The following DLG1 variants were observed in gnomAD, a reference collection of about 807,000 sequenced individuals.
DLG1 encodes the protein disks large homolog 1.
Under a neutral mutation model 123.4 loss-of-function variants are expected in DLG1, and 42 were observed. The ratio of observed to expected loss-of-function variants is 0.34; its 90% CI spans 0.27 to 0.44. The LOEUF is 0.44. DLG1 is among the 20% of genes least tolerant of loss of function. The pLI, the probability that DLG1 is intolerant of heterozygous loss-of-function variation, is 1.00. For missense variants in DLG1, 942 were observed against 1,082.6 expected, an observed-to-expected ratio of 0.87 and a Z score of 1.82; for synonymous variants, 317 against 356.2, an observed-to-expected ratio of 0.89 and a Z score of 1.24.
chr3:197,224,024 A>G (rs116389115), intron 4 of DLG1, among the ~76,000 whole-genome samples: 2,604 of 152,320 alleles, frequency 0.017, 86 homozygotes, highest in African/African-American at 0.059. Flanking sequence ...AAGCCCCAAA[A>G]TAACCCACTT....
In DLG1 at chr3:197,065,313, C is replaced by T. The variant is rs371009210; in HGVS notation, c.2336G>A (p.Gly779Glu). 2 of 1,610,776 alleles carry T rather than the reference C, an allele frequency of 1.2e-6. No homozygotes were observed. The highest frequency in any genetic ancestry group is 1.7e-6 in the Non-Finnish European group (2 of 1,179,122). The change falls in exon 22 of 25, where the codon GGA becomes GAA. Residue 779 changes from glycine to glutamate, a missense_variant. Transcript: ENST00000667157. ...EAGQYNNHLY[G>E]TSVQSVREVA... ...TTCTCGTACAGACTGAACACTTGTTCCATATAGATGATTGTTATACTGGCC... is the reference window on the plus strand; with the variant it reads ...TTCTCGTACAGACTGAACACTTGTTTCATATAGATGATTGTTATACTGGCC...
chr3:197,158,784 C>T (rs556389744), intron 5 of DLG1, among the ~76,000 whole-genome samples: 2 of 152,148 alleles, frequency 1.3e-5, no homozygotes, highest in African/African-American at 4.8e-5. Flanking sequence ...AGGACAGAGA[C>T]GATGTTCTAT....
At chr3:197,288,863 T>C (rs1241833014) in intron 3 of DLG1, among the ~76,000 whole-genome samples, 1 of 151,952 alleles carries the variant, frequency 6.6e-6, no homozygotes, top group Non-Finnish European at 1.5e-5. Flanking sequence ...GAAATCATAC[T>C]ATTCACACTT....
At chr3:197,137,540 T>A (rs899459065) in intron 9 of DLG1, among the ~76,000 whole-genome samples, 1 of 152,124 alleles carries the variant, frequency 6.6e-6, no homozygotes, top group Non-Finnish European at 1.5e-5. Flanking sequence ...ATAAAACAAA[T>A]AGATATTTTG....
At position 197,197,000 on chromosome 3, in the gene DLG1, A is replaced by G. The variant is rs78541510; in HGVS notation, c.319-2411T>C. ...GGAAGTGAAAGGAATTAAAATTTAA[A>G]AAAGCCTCATTCTTGAAAGAAATAA... On this transcript the variant is annotated intron_variant, in intron 4 of 24. Transcript: ENST00000667157. 2.0e-5 allele frequency among the ~76,000 whole-genome samples: 3 copies of G among 152,330 alleles called. No homozygotes were observed. In the East Asian group the frequency reaches 5.8e-4, roughly 29 times the overall value.
intron 3 of DLG1, among the ~76,000 whole-genome samples, chr3:197,285,688 C>T (rs536864679): frequency 1.3e-5 from 2 of 152,232 alleles, no homozygotes; most frequent in Admixed American, 6.5e-5. Flanking sequence ...AAACAAGATA[C>T]TACTACACAC....
chr3:197,243,755 C>A lies in DLG1; in HGVS notation c.318+38924G>T, dbSNP rs189161038. Among the ~76,000 whole-genome samples the A allele has an allele frequency of 2.0e-3, 297 of 152,276 alleles. 3 individuals carry two copies. Among genetic ancestry groups the A allele is most frequent in the African/African-American group, 6.6e-3 (276 of 41,538 alleles). On this transcript the variant is annotated intron_variant, in intron 4 of 24. Transcript: ENST00000667157. ...TTATAGTAGATATAATTTATCCAAT[C>A]TACATTTTTATTAATTGTTGACCAC... is the stretch of plus-strand genomic sequence containing the variant.
chr3:197,177,947 T>G (rs1014058070), intron 5 of DLG1, among the ~76,000 whole-genome samples: 1 of 152,098 alleles, frequency 6.6e-6, no homozygotes, highest in African/African-American at 2.4e-5. Flanking sequence ...GGGCCCTCCT[T>G]AGCACAAGTT....
At chr3:197,143,381 G>A (rs913307227) in intron 6 of DLG1, among the ~76,000 whole-genome samples, 1 of 151,966 alleles carries the variant, frequency 6.6e-6, no homozygotes. Context: ...TCAGCCTCCC[G>A]AGTAGCTGGG....
At chr3:197,195,075 C>A (rs371583999) in intron 4 of DLG1, among the ~76,000 whole-genome samples, 1 of 151,670 alleles carries the variant, frequency 6.6e-6, no homozygotes, top group African/African-American at 2.4e-5. Flanking sequence ...CACCTCTATG[C>A]AATCTATTTC....
chr3:197,175,867 A>G (rs1248516354), intron 5 of DLG1, among the ~76,000 whole-genome samples: 1 of 152,156 alleles, frequency 6.6e-6, no homozygotes, highest in African/African-American at 2.4e-5. Flanking sequence ...CAGGAGAAAA[A>G]TGTTGCTCAG....
At chr3:197,053,622 A>C (rs1328105572) in intron 23 of DLG1, among the ~76,000 whole-genome samples, 1 of 151,954 alleles carries the variant, frequency 6.6e-6, no homozygotes, top group Non-Finnish European at 1.5e-5. Context: ...GAATACAAAA[A>C]TTAGCAGGGC....
At chr3:197,084,874 C>A (rs754891688) in intron 16 of DLG1, among the ~76,000 whole-genome samples, 14 of 151,566 alleles carry the variant, frequency 9.2e-5, no homozygotes, top group Non-Finnish European at 1.8e-4. Flanking sequence ...GCAATTTCGG[C>A]CTCCTGAGTT....
intron 15 of DLG1, 51 bp from the exon 16 acceptor site, chr3:197,085,807 ACATAT>A (rs1000193811): frequency 6.5e-7 from 1 of 1,532,286 alleles, no homozygotes; most frequent in African/African-American, 1.4e-5. Context: ...ATATTAATCA[ACATAT>A]CATAGGGTTC....
chr3:197,116,582 T>TTG (rs1338989974), intron 12 of DLG1, among the ~76,000 whole-genome samples: 1 of 152,218 alleles, frequency 6.6e-6, no homozygotes, highest in African/African-American at 2.4e-5. Flanking sequence ...AACCCCATTC[T>TTG]AACCTCTGGT....
chr3:197,287,200 G>C (rs1772302301), intron 3 of DLG1, among the ~76,000 whole-genome samples: 1 of 151,966 alleles, frequency 6.6e-6, no homozygotes. Flanking sequence ...GTGGGGCTTT[G>C]GGATATGGGA....
At chr3:197,107,231 C>T (rs558492647) in intron 13 of DLG1, among the ~76,000 whole-genome samples, 68 of 152,188 alleles carry the variant, frequency 4.5e-4, no homozygotes, top group African/African-American at 1.5e-3. Flanking sequence ...CTAAATAATG[C>T]GCCACTAAAA....
chr3:197,293,439 A>C (rs1201437273), intron 3 of DLG1, among the ~76,000 whole-genome samples: 1 of 152,220 alleles, frequency 6.6e-6, no homozygotes, highest in African/African-American at 2.4e-5. Flanking sequence ...AAAATGCACT[A>C]TTTCATGTGT....
At chr3:197,210,332 C>G (rs1459972960) in intron 4 of DLG1, among the ~76,000 whole-genome samples, 1 of 139,640 alleles carries the variant, frequency 7.2e-6, no homozygotes, top group African/African-American at 2.5e-5. Context: ...AAACAGAAAA[C>G]AAAGAATTGA....
Sources: gnomAD v4.1 joint callset for allele counts (sites outside exome capture counted in the v4.1 genomes callset) on GRCh38, gnomAD v4.1.1 for gene constraint, MANE v1.5 for transcripts, NCBI Gene and HGNC (gene_info 2026-07-23, HGNC 2026-07-21) for gene names.